Variants in PPME1 observed in about 807,000 individuals in gnomAD.
PPME1 encodes the protein protein phosphatase methylesterase 1.
A neutral mutation model predicts 56.9 loss-of-function variants in PPME1; 17 were observed. The observed-to-expected ratio is 0.30, with a 90% CI of 0.20 to 0.45. The LOEUF (loss-of-function observed/expected upper bound fraction) is 0.45, where lower values mean the gene tolerates loss of function less well. PPME1 is among the 20% of genes least tolerant of loss of function. PPME1 has a pLI of 1.00. For synonymous variants in PPME1, 122 were observed against 156.2 expected, an observed-to-expected ratio of 0.78 and a Z score of 1.63; for missense variants, 357 against 483.2, an observed-to-expected ratio of 0.74 and a Z score of 2.45.
chr11:74,196,389 G>A (rs1435291381), intron 1 of PPME1, among the ~76,000 whole-genome samples: 1 of 152,146 alleles, frequency 6.6e-6, no homozygotes, highest in Non-Finnish European at 1.5e-5. Flanking sequence ...TTTAGCTCTT[G>A]TATTTAGGTT....
At chr11:74,204,557 TC>T in intron 3 of PPME1, 112 bp downstream of exon 3, 1 of 870,896 alleles carries the variant, frequency 1.1e-6, no homozygotes, top group Non-Finnish European at 1.8e-6. Flanking sequence ...GAATTGCTAT[TC>T]CAGGCATACA....
At chr11:74,220,244 T>C (rs1266425106) in intron 3 of PPME1, among the ~76,000 whole-genome samples, 1 of 152,184 alleles carries the variant, frequency 6.6e-6, no homozygotes, top group Non-Finnish European at 1.5e-5. Flanking sequence ...GAAGATAATA[T>C]GAGATTATCT....
chr11:74,212,810 T>C (rs1185902252), intron 3 of PPME1, among the ~76,000 whole-genome samples: 3 of 152,126 alleles, frequency 2.0e-5, no homozygotes, highest in Non-Finnish European at 4.4e-5. Flanking sequence ...CCCTGCTGAC[T>C]AAAGAGCCTT....
At chr11:74,229,190 G>A (rs761347845) in intron 5 of PPME1, among the ~76,000 whole-genome samples, 6 of 152,244 alleles carry the variant, frequency 3.9e-5, no homozygotes, top group South Asian at 2.1e-4. Flanking sequence ...ATATATGAAA[G>A]TCTGTGTTCC....
At chr11:74,228,290 A>G (rs1274404576) in intron 5 of PPME1, among the ~76,000 whole-genome samples, 1 of 152,124 alleles carries the variant, frequency 6.6e-6, no homozygotes, top group African/African-American at 2.4e-5. Flanking sequence ...TAGAAACTGT[A>G]TGTGTAATAA....
At chr11:74,251,267 G>C in intron 12 of PPME1, 1 of 1,371,598 alleles carries the variant, frequency 7.3e-7, no homozygotes, top group Non-Finnish European at 9.4e-7. Context: ...AAGATCTTAA[G>C]CTCTACTTCT....
At chr11:74,245,418 G>C (rs1020042971) in intron 9 of PPME1, among the ~76,000 whole-genome samples, 2 of 151,982 alleles carry the variant, frequency 1.3e-5, no homozygotes, top group African/African-American at 2.4e-5. Context: ...GAAAAATATA[G>C]AGAATTATTT....
intron 11 of PPME1, 74 bp from the exon 12 acceptor site, chr11:74,250,880 G>A: frequency 7.5e-7 from 1 of 1,331,618 alleles, no homozygotes; most frequent in Non-Finnish European, 1.1e-6. Flanking sequence ...CTGGGCTCCT[G>A]GAATGACCTA....
At chr11:74,173,102 G>A (rs984848587) in intron 1 of PPME1, among the ~76,000 whole-genome samples, 1 of 152,116 alleles carries the variant, frequency 6.6e-6, no homozygotes, top group African/African-American at 2.4e-5. Context: ...AGAGATAGAC[G>A]CACAATAGAG....
intron 9 of PPME1, among the ~76,000 whole-genome samples, chr11:74,245,049 A>G (rs1460472957): frequency 6.6e-6 from 1 of 152,068 alleles, no homozygotes; most frequent in Non-Finnish European, 1.5e-5. Flanking sequence ...ATTCTATTCC[A>G]CTGGTCTATT....
At chr11:74,180,767 T>C (rs1305707133) in intron 1 of PPME1, among the ~76,000 whole-genome samples, 1 of 152,200 alleles carries the variant, frequency 6.6e-6, no homozygotes, top group Non-Finnish European at 1.5e-5. Flanking sequence ...CAAATGTCAA[T>C]TAGCAATTAT....
chr11:74,204,997 A>G (rs1858291087), intron 3 of PPME1: 1 of 152,392 alleles, frequency 6.6e-6, no homozygotes, highest in Non-Finnish European at 1.5e-5. Context: ...TGACAAGAAT[A>G]ACCCAATTTG....
At chr11:74,178,471 A>G (rs1399397048) in intron 1 of PPME1, among the ~76,000 whole-genome samples, 2 of 152,216 alleles carry the variant, frequency 1.3e-5, no homozygotes, top group Non-Finnish European at 2.9e-5. Context: ...CTAGCTGCTC[A>G]AACAAAAGTA....
At chr11:74,234,815 A>G (rs1413994923) in intron 7 of PPME1, among the ~76,000 whole-genome samples, 1 of 152,208 alleles carries the variant, frequency 6.6e-6, no homozygotes, top group Non-Finnish European at 1.5e-5. Flanking sequence ...AGGCTGGATA[A>G]TGGAGTATGC....
intron 13 of PPME1, chr11:74,252,628 CA>C: frequency 2.3e-6 from 1 of 434,902 alleles, no homozygotes; most frequent in South Asian, 1.6e-5. Context: ...CTGTCCTGTG[CA>C]TTGTAGGATG....
intron 9 of PPME1, among the ~76,000 whole-genome samples, chr11:74,245,812 T>C (rs1859488890): frequency 6.6e-6 from 1 of 152,246 alleles, no homozygotes; most frequent in South Asian, 2.1e-4. Flanking sequence ...CTTACTAGCT[T>C]TGTGATCTTA....
Position 74,246,081 on chromosome 11 carries a change from G to C in PPME1, c.840G>C (p.Lys280Asn), listed in dbSNP as rs929778503. Residue 280 changes from lysine (K) to asparagine (N), a missense_variant, in exon 10 of 14, where the codon AAG (lysine) becomes AAC (asparagine). This residue lies in a region of PPME1 where 182 missense variants were observed against 293.8 expected (regional missense o/e 0.62). Coordinates refer to ENST00000328257, the MANE Select transcript of PPME1 (RefSeq NM_016147.3). ...KRKKEDDMET[K>N]KDHPYTWRIE... ...ACTTGCTCTTATTCCTCCAGACCAAGAAAGACCATCCATACACCTGGAGAA... is the reference window on the plus strand; with the variant it reads ...ACTTGCTCTTATTCCTCCAGACCAACAAAGACCATCCATACACCTGGAGAA... 37 of 1,580,590 alleles carry C rather than the reference G, an allele frequency of 2.3e-5. No individual in the cohort carries two copies. Among genetic ancestry groups the C allele is most frequent in the Non-Finnish European group, 3.1e-5 (36 of 1,162,354 alleles).
Position 74,250,691 on chromosome 11 carries a change from A to G in PPME1, c.1010-263A>G, listed in dbSNP as rs1859634801. On this transcript the variant is annotated intron_variant, in intron 11 of 13. Coordinates refer to ENST00000328257, the MANE Select transcript of PPME1 (RefSeq NM_016147.3). ...ACTGGACTGTAAATCCCCTGAGGAC[A>G]AGAACTGTTTCTTCTATGTGTCTCT... The G allele has an allele frequency of 1.6e-5, 7 of 431,482 alleles. No homozygotes were observed. In the South Asian group the frequency reaches 3.2e-4, roughly 20 times the overall value. The allele number at this position is 431,482 out of a possible 1,614,324, so 26.7% of individuals were successfully genotyped here. A position where few individuals can be genotyped will look rare whatever the true frequency, so the allele number is the denominator to read the frequency against.
At chr11:74,238,747 T>C (rs1389461128) in intron 8 of PPME1, 2 of 155,820 alleles carry the variant, frequency 1.3e-5, no homozygotes, top group African/African-American at 4.8e-5. Context: ...GTTTTGGAGT[T>C]AGTTGAGCCT....
Sources: allele counts gnomAD v4.1 joint callset (sites outside exome capture counted in the v4.1 genomes callset), GRCh38; gene constraint gnomAD v4.1.1; regional missense constraint gnomAD v4.1.1; transcripts MANE v1.5; gene names NCBI Gene and HGNC (gene_info 2026-07-23, HGNC 2026-07-21).